DLG2: variants seen among roughly 807,000 people sequenced by gnomAD.
DLG2 encodes discs large MAGUK scaffold protein 2, also known as disks large homolog 2.
DLG2 carries 45 observed loss-of-function variants against 132.5 expected under a neutral mutation model. The observed-to-expected ratio is 0.34, with a 90% confidence interval of 0.27 to 0.44. The LOEUF (loss-of-function observed/expected upper bound fraction) is 0.44. Ranked by LOEUF, DLG2 falls within the 20% of genes least tolerant of loss-of-function variation. The pLI is 1.00. For synonymous variants in DLG2, 424 were observed against 419.6 expected, an observed-to-expected ratio of 1.01 and a Z score of -0.13; for missense variants, 1,045 against 1,196.9, an observed-to-expected ratio of 0.87 and a Z score of 1.87.
At chr11:83,910,937 T>C (rs1277866549) in intron 15 of DLG2, among the ~76,000 whole-genome samples, 2 of 152,074 alleles carry the variant, frequency 1.3e-5, no homozygotes, top group Admixed American at 6.6e-5. Flanking sequence ...GAGGTTTACA[T>C]TAATATAGTT....
At chr11:83,695,057 C>T (rs2081647889) in intron 18 of DLG2, among the ~76,000 whole-genome samples, 2 of 152,234 alleles carry the variant, frequency 1.3e-5, no homozygotes, top group Admixed American at 6.5e-5. Flanking sequence ...TTTTCAAGAG[C>T]TGGTTTTCTT....
chr11:85,022,528 A>T (rs1278987273), intron 6 of DLG2, among the ~76,000 whole-genome samples: 1 of 152,110 alleles, frequency 6.6e-6, no homozygotes, highest in Non-Finnish European at 1.5e-5. Flanking sequence ...CTATGTCACA[A>T]AAGCAAAGAA....
At chr11:85,270,715 A>G (rs2077476633) in intron 4 of DLG2, among the ~76,000 whole-genome samples, 2 of 152,178 alleles carry the variant, frequency 1.3e-5, no homozygotes, top group African/African-American at 4.8e-5. Context: ...TGGGAACTGG[A>G]GTGAAGGTGA....
chr11:85,178,140 G>T (rs1446787431), intron 4 of DLG2, among the ~76,000 whole-genome samples: 1 of 151,776 alleles, frequency 6.6e-6, no homozygotes, highest in Non-Finnish European at 1.5e-5. Context: ...ATTTTAATAA[G>T]ATCTATAAGA....
chr11:84,419,337 C>T (rs2098940675), intron 7 of DLG2, among the ~76,000 whole-genome samples: 2 of 152,144 alleles, frequency 1.3e-5, no homozygotes, highest in East Asian at 1.9e-4. Flanking sequence ...CAATATCTAT[C>T]CTTATGCCTG....
At chr11:85,247,860 T>C (rs1199997016) in intron 4 of DLG2, among the ~76,000 whole-genome samples, 1 of 152,052 alleles carries the variant, frequency 6.6e-6, no homozygotes, top group Non-Finnish European at 1.5e-5. Flanking sequence ...ATCCTTCTAT[T>C]TCAATGTCTC....
At chr11:85,510,936 G>A (rs1264507358) in intron 3 of DLG2, among the ~76,000 whole-genome samples, 4 of 151,976 alleles carry the variant, frequency 2.6e-5, no homozygotes, top group Admixed American at 2.0e-4. Context: ...TGTTTATTGT[G>A]GCACTATTCA....
chr11:83,565,603 T>G (rs1245382114), intron 19 of DLG2, among the ~76,000 whole-genome samples: 1 of 152,206 alleles, frequency 6.6e-6, no homozygotes, highest in Non-Finnish European at 1.5e-5. Context: ...AAATAATTAT[T>G]TAAATGTTGG....
At position 84,403,886 on chromosome 11, in the gene DLG2, T is replaced by A. The variant is rs141426763; in HGVS notation, c.519+130684A>T. 1.1e-3 allele frequency among the ~76,000 whole-genome samples: 169 copies of A among 152,330 alleles called. 1 individual carries two copies. The East Asian group carries it at 0.018, about 16-fold the overall frequency. On this transcript the variant is annotated intron_variant, in intron 7 of 27. Transcript: ENST00000376104. ...TTCCTATTCCTGCATACTGGAATCC[T>A]ACCTTCTTTTCAAAGCCAAGTCCAA... is the stretch of plus-strand genomic sequence containing the variant.
chr11:84,989,736 AGTAATCAAGACTGT>A (rs1443509730), intron 6 of DLG2, among the ~76,000 whole-genome samples: 1 of 152,228 alleles, frequency 6.6e-6, no homozygotes, highest in African/African-American at 2.4e-5. Context: ...ACATAGCTAG[AGTAATCAAGACTGT>A]GTGATGTTGG....
At chr11:85,381,849 T>C (rs1364772021) in intron 3 of DLG2, among the ~76,000 whole-genome samples, 2 of 152,034 alleles carry the variant, frequency 1.3e-5, no homozygotes, top group African/African-American at 4.8e-5. Context: ...AGTAAAGATA[T>C]AGATAAACAG....
chr11:85,399,463 G>A lies in DLG2; in HGVS notation c.41-114098C>T, dbSNP rs536321944. 1.8e-3 allele frequency among the ~76,000 whole-genome samples: 275 copies of A among 152,172 alleles called. 1 individual carries two copies. The highest frequency in any genetic ancestry group is 6.3e-3 in the African/African-American group (263 of 41,524). ...TTCATATGGAACCAAAAAAGAGCCCGCATCACCAAGTCAACCCTAAGCCAA... is the reference window on the plus strand; with the variant it reads ...TTCATATGGAACCAAAAAAGAGCCCACATCACCAAGTCAACCCTAAGCCAA... On this transcript the variant is annotated intron_variant, in intron 3 of 27. Transcript: ENST00000376104.
chr11:84,745,851 C>A (rs758742896), intron 6 of DLG2, among the ~76,000 whole-genome samples: 9 of 152,084 alleles, frequency 5.9e-5, no homozygotes, highest in Non-Finnish European at 1.0e-4. Context: ...TGATGAACTG[C>A]ATTTAATAAA....
chr11:83,648,658 A>G (rs1418257111), intron 18 of DLG2, among the ~76,000 whole-genome samples: 4 of 152,190 alleles, frequency 2.6e-5, no homozygotes, highest in African/African-American at 9.6e-5. Context: ...GTACAAAAGC[A>G]TTGTGTGAAT....
chr11:83,767,498 C>T (rs975877925), intron 18 of DLG2, among the ~76,000 whole-genome samples: 1 of 152,116 alleles, frequency 6.6e-6, no homozygotes, highest in Non-Finnish European at 1.5e-5. Context: ...TATCATTTTA[C>T]AATAAAAAGG....
At chr11:83,857,353 G>T (rs1012460038) in intron 16 of DLG2, among the ~76,000 whole-genome samples, 3 of 152,152 alleles carry the variant, frequency 2.0e-5, no homozygotes, top group Admixed American at 2.0e-4. Flanking sequence ...GTTCTGTGAA[G>T]AATCTCATGG....
chr11:83,695,813 G>A (rs944957802), intron 18 of DLG2, among the ~76,000 whole-genome samples: 1 of 152,114 alleles, frequency 6.6e-6, no homozygotes, highest in African/African-American at 2.4e-5. Flanking sequence ...GTTAACCAAG[G>A]GAGAAGAGGT....
chr11:83,844,223 C>T (rs1344654589), intron 16 of DLG2, among the ~76,000 whole-genome samples: 1 of 151,972 alleles, frequency 6.6e-6, no homozygotes, highest in East Asian at 1.9e-4. Flanking sequence ...CATATCTATC[C>T]TGATTTTGGC....
intron 11 of DLG2, among the ~76,000 whole-genome samples, chr11:84,050,068 C>T (rs2096331466): frequency 6.6e-6 from 1 of 151,382 alleles, no homozygotes; most frequent in Admixed American, 6.6e-5. Context: ...GAAGAGAAGA[C>T]TGAAACCAAG....
Sources: gnomAD v4.1 joint callset for allele counts (sites outside exome capture counted in the v4.1 genomes callset) on GRCh38, gnomAD v4.1.1 for gene constraint, MANE v1.5 for transcripts, NCBI Gene and HGNC (gene_info 2026-07-23, HGNC 2026-07-21) for gene names.